ASCC3: variants seen among roughly 807,000 people sequenced by gnomAD.
The protein encoded by ASCC3 is ASC-1 complex subunit P200.
In ASCC3, 158 loss-of-function variants were observed where a neutral mutation model predicts 256.3. The ratio of observed to expected loss-of-function variants is 0.62; its 90% CI spans 0.54 to 0.70. ASCC3 has a LOEUF of 0.70. Among genes scored for constraint, ASCC3 ranks in the 30% least tolerant of loss-of-function variants. The pLI is 0.00. For missense variants in ASCC3, 2,259 were observed against 2,626.0 expected (o/e 0.86, Z 3.05); for synonymous variants, 948 against 883.4 (o/e 1.07, Z -1.30).
chr6:100,608,039 TACATACATATACA>T, intron 30 of ASCC3, among the ~76,000 whole-genome samples: 1 of 138,168 alleles, frequency 7.2e-6, no homozygotes, highest in South Asian at 2.2e-4. Flanking sequence ...TATTTATATA[TACATACATATACA>T]TATATACACA....
At chr6:100,873,719 A>G (rs953201832) in intron 1 of ASCC3, among the ~76,000 whole-genome samples, 2 of 152,230 alleles carry the variant, frequency 1.3e-5, no homozygotes, top group African/African-American at 4.8e-5. Flanking sequence ...TTGGAGCCCT[A>G]TCTTCAGCCT....
intron 4 of ASCC3, among the ~76,000 whole-genome samples, chr6:100,822,891 T>C (rs1280505007): frequency 6.6e-6 from 1 of 152,188 alleles, no homozygotes; most frequent in Non-Finnish European, 1.5e-5. Flanking sequence ...AAATGCAATG[T>C]TCATACATGA....
intron 25 of ASCC3, among the ~76,000 whole-genome samples, chr6:100,635,612 T>C (rs1428090704): frequency 6.6e-6 from 1 of 152,168 alleles, no homozygotes. Context: ...AAGATAACTA[T>C]TTGAAGTGAT....
chr6:100,784,614 T>C (rs1264707217), intron 8 of ASCC3, among the ~76,000 whole-genome samples: 1 of 152,016 alleles, frequency 6.6e-6, no homozygotes, highest in Non-Finnish European at 1.5e-5. Context: ...AAAAAAAGTA[T>C]GCCACAAAAT....
At chr6:100,834,581 A>T (rs1339250021) in intron 4 of ASCC3, among the ~76,000 whole-genome samples, 4 of 152,200 alleles carry the variant, frequency 2.6e-5, no homozygotes, top group Non-Finnish European at 5.9e-5. Context: ...AAAACAAGGC[A>T]AACACAATGC....
intron 14 of ASCC3, among the ~76,000 whole-genome samples, chr6:100,667,781 A>C (rs1776556273): frequency 6.6e-6 from 1 of 152,070 alleles, no homozygotes; most frequent in Non-Finnish European, 1.5e-5. Flanking sequence ...GAAGGTCAGG[A>C]GTAAATTATG....
chr6:100,857,510 T>A (rs1773006526), intron 3 of ASCC3: 1 of 152,078 alleles, frequency 6.6e-6, no homozygotes, highest in African/African-American at 2.4e-5. Flanking sequence ...GTTTTGTGTA[T>A]CATGCTTAAT....
At position 100,606,806 on chromosome 6, in the gene ASCC3, C is replaced by G. The variant is rs760969195; in HGVS notation, c.4978G>C (p.Val1660Leu). 2 of 1,611,962 alleles carry G rather than the reference C, an allele frequency of 1.2e-6. No individual in the cohort carries two copies. Among genetic ancestry groups the G allele is most frequent in the South Asian group, 2.2e-5 (2 of 90,598 alleles). The change falls in exon 32 of 42, where the codon GTA becomes CTA. Residue 1660 changes from valine to leucine, a missense_variant. This residue lies in a region of ASCC3 where 1,839 missense variants were observed against 2,206.7 expected (regional missense o/e 0.83). Transcript: ENST00000369162. The part of the protein sequence containing the change: ...AWGVNFPAHL[V>L]IIKGTEYYDG... Reference sequence around the variant, plus strand: ...TAGTATTCTGTTCCCTTAATAATTACTAAATGAGCTGGAAAGTTTACACCC... The same window carrying G: ...TAGTATTCTGTTCCCTTAATAATTAGTAAATGAGCTGGAAAGTTTACACCC...
intron 36 of ASCC3, among the ~76,000 whole-genome samples, chr6:100,573,488 G>T (rs1770700146): frequency 6.6e-6 from 1 of 152,038 alleles, no homozygotes; most frequent in African/African-American, 2.4e-5. Flanking sequence ...ATGAAAATTA[G>T]ATTTTAATAT....
At chr6:100,743,801 T>G (rs950155706) in intron 10 of ASCC3, among the ~76,000 whole-genome samples, 4 of 152,122 alleles carry the variant, frequency 2.6e-5, no homozygotes, top group African/African-American at 9.7e-5. Flanking sequence ...TTCCCTACAA[T>G]ACAAGATGAA....
chr6:100,675,775 T>A (rs1346128799), intron 14 of ASCC3, among the ~76,000 whole-genome samples: 1 of 152,052 alleles, frequency 6.6e-6, no homozygotes, highest in African/African-American at 2.4e-5. Flanking sequence ...TGAACTCACA[T>A]CAGGGCCATA....
At chr6:100,781,091 T>TG (rs1448265567) in intron 8 of ASCC3, among the ~76,000 whole-genome samples, 1 of 152,184 alleles carries the variant, frequency 6.6e-6, no homozygotes, top group Non-Finnish European at 1.5e-5. Flanking sequence ...TCAGTGATGT[T>TG]GTTTTTTTCC....
chr6:100,578,572 A>G (rs1411540274), intron 36 of ASCC3, among the ~76,000 whole-genome samples: 3 of 151,974 alleles, frequency 2.0e-5, no homozygotes, highest in African/African-American at 7.2e-5. Flanking sequence ...AACTCCATCC[A>G]TGTTTCTGCA....
intron 25 of ASCC3, among the ~76,000 whole-genome samples, chr6:100,637,515 T>TTCCTA (rs1287828557): frequency 1.3e-5 from 2 of 152,294 alleles, no homozygotes; most frequent in South Asian, 4.1e-4. Context: ...AATTTTGGCT[T>TTCCTA]TCCTATCCTT....
At position 100,651,615 on chromosome 6, in the gene ASCC3, G is replaced by GT. The variant is rs1183789466; in HGVS notation, c.3019dup (p.Thr1007AsnfsTer4). 6.3e-7 allele frequency: 1 copy of GT among 1,587,456 alleles called. No homozygotes were observed. Among genetic ancestry groups the GT allele is most frequent in the African/African-American group, 1.3e-5 (1 of 74,302 alleles). ...GACTATGGCAAAGATATCACCTTCT[G>GT]TTTTGTGAGCATCAAAGAGTTCATT... On this transcript the variant is annotated frameshift_variant, in exon 19 of 42. Coordinates refer to ENST00000369162, the MANE Select transcript of ASCC3 (RefSeq NM_006828.4). LOFTEE classifies it high-confidence loss of function.
chr6:100,829,516 T>G (rs981471926), intron 4 of ASCC3, among the ~76,000 whole-genome samples: 3 of 152,020 alleles, frequency 2.0e-5, no homozygotes, highest in African/African-American at 7.2e-5. Context: ...TCACATGGAA[T>G]TCGCACTGGC....
chr6:100,805,827 C>A lies in ASCC3; in HGVS notation c.855G>T (p.Gln285His). 2 of 1,611,300 alleles carry A rather than the reference C, an allele frequency of 1.2e-6. No individual in the cohort carries two copies. Among genetic ancestry groups the A allele is most frequent in the Non-Finnish European group, 1.7e-6 (2 of 1,178,568 alleles). The change falls in exon 5 of 42, where the codon CAG (glutamine) becomes CAT (histidine). Residue 285 changes from glutamine (Q) to histidine (H), a missense_variant. Gln to His is a conservative substitution (Grantham distance 24). This residue lies in a region of ASCC3 where 420 missense variants were observed against 419.3 expected (regional missense o/e 1.00). Coordinates refer to ENST00000369162, the MANE Select transcript of ASCC3 (RefSeq NM_006828.4). Reference protein sequence around the residue: ...EGLELIEKLLQNRITIVDRFL... With the variant: ...EGLELIEKLLHNRITIVDRFL... ...ATCTATCCACAATTGTAATTCTGTT[C>A]TGGAGGAGTTTCTCAATAAGTTCAA...
chr6:100,799,476 G>C lies in ASCC3; in HGVS notation c.1224C>G (p.Ser408=). Residue 408 remains serine, a synonymous_variant, in exon 7 of 42, where the codon TCC becomes TCG. Transcript: ENST00000369162. ...EKIHYPHVYD[S]QAEAMKTSAF... Reference sequence around the variant, plus strand: ...CTGATGTTTTCATGGCTTCAGCCTGGGAATCATACACATGGGGATAATGTA... The same window carrying C: ...CTGATGTTTTCATGGCTTCAGCCTGCGAATCATACACATGGGGATAATGTA... The C allele has an allele frequency of 6.2e-7, 1 of 1,613,026 alleles. No homozygotes were observed. The highest frequency in any genetic ancestry group is 8.5e-7 in the Non-Finnish European group (1 of 1,179,474).
rs542453964 is a variant in ASCC3 at position 100,729,583 on chromosome 6, G to A, written c.1738-3880C>T. On this transcript the variant is annotated intron_variant, in intron 10 of 41. Transcript: ENST00000369162. ...CTTAAGACACAAAAATGTATGTGAT[G>A]CATAAAAGTAGCCTGTTGTATGTTT... 3.3e-5 allele frequency among the ~76,000 whole-genome samples: 5 copies of A among 152,230 alleles called. No homozygotes were observed. In the South Asian group the frequency reaches 1.0e-3, roughly 32 times the overall value.
Sources: gnomAD v4.1 joint callset for allele counts (sites outside exome capture counted in the v4.1 genomes callset) on GRCh38, gnomAD v4.1.1 for gene constraint, gnomAD v4.1.1 regional missense constraint, MANE v1.5 for transcripts, NCBI Gene and HGNC (gene_info 2026-07-23, HGNC 2026-07-21) for gene names.